DENND2B: variants seen among roughly 807,000 people sequenced by gnomAD.
The protein encoded by DENND2B is DENN domain-containing protein 2B.
A neutral mutation model predicts 116.0 loss-of-function variants in DENND2B; 32 were observed. That is an observed-to-expected ratio of 0.28 (90% CI 0.21 to 0.37). The LOEUF is 0.37. DENND2B is among the 10% of genes least tolerant of loss of function. The pLI is 1.00. For missense variants in DENND2B, 1,276 were observed against 1,477.7 expected (o/e 0.86, Z 2.24); for synonymous variants, 588 against 583.9 (o/e 1.01, Z -0.10).
chr11:8,706,629 A>T (rs1462589898), intron 13 of DENND2B, among the ~76,000 whole-genome samples: 1 of 152,126 alleles, frequency 6.6e-6, no homozygotes, highest in Non-Finnish European at 1.5e-5. Context: ...TCACACTCTC[A>T]TAAGGTCCTG....
chr11:8,740,828 G>A (rs1174739108), intron 2 of DENND2B, among the ~76,000 whole-genome samples: 1 of 152,328 alleles, frequency 6.6e-6, no homozygotes, highest in East Asian at 1.9e-4. Context: ...GCCACTCAGT[G>A]ACTGCCCCAA....
intron 1 of DENND2B, among the ~76,000 whole-genome samples, chr11:8,801,691 A>AAAGAAAGAC (rs1213558716): frequency 4.1e-5 from 6 of 147,596 alleles, no homozygotes; most frequent in Non-Finnish European, 9.0e-5. Flanking sequence ...AAAAAAAAAA[A>AAAGAAAGAC]AGAAAGAAAG....
chr11:8,842,623 T>C (rs931461765), intron 3 of DENND2B, among the ~76,000 whole-genome samples: 5 of 152,218 alleles, frequency 3.3e-5, no homozygotes, highest in African/African-American at 1.2e-4. Flanking sequence ...TCTATCACTG[T>C]GCTAAACAAA....
At chr11:8,816,045 A>G (rs2061557989) in intron 4 of DENND2B, among the ~76,000 whole-genome samples, 1 of 152,256 alleles carries the variant, frequency 6.6e-6, no homozygotes, top group Non-Finnish European at 1.5e-5. Context: ...ACACAGGAAC[A>G]GAGTAAATCT....
Position 8,779,509 on chromosome 11 carries a change from TCTTTC to T in DENND2B, c.-25-28789_-25-28785del, listed in dbSNP as rs1315904640. ...TTTTTCTTTCTTTTCTTTCTTTCTT[TCTTTC>T]TTTTTTTTTTTTTTTGAGACGAAGT... is the stretch of plus-strand genomic sequence containing the variant. On this transcript the variant is annotated intron_variant, in intron 1 of 19. Coordinates refer to ENST00000313726, the MANE Select transcript of DENND2B (RefSeq NM_213618.2). 6.2e-3 allele frequency among the ~76,000 whole-genome samples: 710 copies of T among 113,908 alleles called. 10 individuals carry two copies. Among genetic ancestry groups the T allele is most frequent in the African/African-American group, 0.02 (649 of 32,862 alleles). 74.7% of individuals were successfully genotyped at this position (113,908 alleles called of 152,430 possible). A position where few individuals can be genotyped will look rare whatever the true frequency, so the allele number is the denominator to read the frequency against.
chr11:8,813,004 G>C (rs539589155), upstream of DENND2B, among the ~76,000 whole-genome samples: 1 of 138,468 alleles, frequency 7.2e-6, no homozygotes, highest in South Asian at 2.9e-4. Flanking sequence ...GGCTGGTCTT[G>C]AACTCCTGAG....
intron 1 of DENND2B, among the ~76,000 whole-genome samples, chr11:8,806,482 C>T (rs1320621205): frequency 6.6e-6 from 1 of 151,986 alleles, no homozygotes; most frequent in Non-Finnish European, 1.5e-5. Flanking sequence ...GTGATAGTTT[C>T]AACACCCTCC....
chr11:8,800,555 A>G (rs1008966100), intron 1 of DENND2B, among the ~76,000 whole-genome samples: 1 of 152,166 alleles, frequency 6.6e-6, no homozygotes, highest in Non-Finnish European at 1.5e-5. Context: ...ATAACCTTAC[A>G]TTGTAAACAC....
At chr11:8,717,934 A>G (rs2045248582) in intron 4 of DENND2B, 42 bp from the exon 5 acceptor site, 2 of 1,593,130 alleles carry the variant, frequency 1.3e-6, no homozygotes, top group South Asian at 2.2e-5. Flanking sequence ...GAAGGGAAGA[A>G]GGAAACACAC....
intron 1 of DENND2B, among the ~76,000 whole-genome samples, chr11:8,773,681 C>T (rs1014276359): frequency 9.2e-5 from 14 of 151,960 alleles, no homozygotes; most frequent in African/African-American, 2.4e-4. Flanking sequence ...GTCTGATGGA[C>T]GCTCAAAAAA....
chr11:8,700,020 C>T (rs1295868217), intron 14 of DENND2B: 1 of 456,076 alleles, frequency 2.2e-6, no homozygotes, highest in East Asian at 6.9e-5. Context: ...CAGCTGCAAC[C>T]ACAGGAAACA....
chr11:8,723,934 G>A (rs1336869104), intron 4 of DENND2B, among the ~76,000 whole-genome samples: 1 of 152,222 alleles, frequency 6.6e-6, no homozygotes, highest in Non-Finnish European at 1.5e-5. Flanking sequence ...AGAAACAATG[G>A]CCCAGCAAGT....
intron 2 of DENND2B, among the ~76,000 whole-genome samples, chr11:8,859,143 A>G (rs1036797978): frequency 1.2e-4 from 18 of 152,214 alleles, no homozygotes; most frequent in African/African-American, 4.1e-4. Flanking sequence ...ATGTATCAAT[A>G]ACTCAAAATT....
At chr11:8,804,808 C>T (rs757469392) in intron 1 of DENND2B, among the ~76,000 whole-genome samples, 6 of 151,870 alleles carry the variant, frequency 4.0e-5, no homozygotes, top group Admixed American at 1.3e-4. Context: ...CCTCCCAAAG[C>T]GCTGGGATTA....
intron 6 of DENND2B, among the ~76,000 whole-genome samples, chr11:8,715,186 G>T (rs745753538): frequency 6.6e-6 from 1 of 152,200 alleles, no homozygotes; most frequent in Non-Finnish European, 1.5e-5. Context: ...ATCCTGCTGC[G>T]TTGGGCTGGG....
intron 1 of DENND2B, chr11:8,794,704 G>T (rs530624447): frequency 6.6e-5 from 10 of 152,418 alleles, no homozygotes; most frequent in African/African-American, 2.4e-4. Context: ...CACAGGTGCT[G>T]AAGTAGACAG....
intron 4 of DENND2B, among the ~76,000 whole-genome samples, chr11:8,832,153 T>A (rs1268115932): frequency 6.6e-6 from 1 of 152,018 alleles, no homozygotes; most frequent in Non-Finnish European, 1.5e-5. Flanking sequence ...GGAAAATTTT[T>A]AAAAGAACCA....
intron 1 of DENND2B, among the ~76,000 whole-genome samples, chr11:8,782,764 G>A (rs1310420083): frequency 1.3e-5 from 2 of 151,568 alleles, no homozygotes; most frequent in Non-Finnish European, 2.9e-5. Context: ...GTGGGTGCCT[G>A]TAGTCCCAGC....
chr11:8,763,441 GT>G (rs1283029701), intron 1 of DENND2B, among the ~76,000 whole-genome samples: 2 of 151,978 alleles, frequency 1.3e-5, no homozygotes, highest in Non-Finnish European at 2.9e-5. Context: ...GTATGAGAAT[GT>G]GCATAACAAC....
Sources: allele counts gnomAD v4.1 joint callset (sites outside exome capture counted in the v4.1 genomes callset), GRCh38; gene constraint gnomAD v4.1.1; transcripts MANE v1.5; gene names NCBI Gene and HGNC (gene_info 2026-07-23, HGNC 2026-07-21).